Variants in PARD3B observed in about 807,000 individuals in gnomAD.
The protein encoded by PARD3B is partitioning defective 3 homolog B.
In PARD3B, 103 loss-of-function variants were observed where a neutral mutation model predicts 130.2. The ratio of observed to expected loss-of-function variants is 0.79; its 90% CI spans 0.67 to 0.93. PARD3B has a LOEUF of 0.93. PARD3B is among the 40% of genes least tolerant of loss of function. The pLI is 0.00. For missense variants in PARD3B, 1,609 were observed against 1,499.2 expected, an observed-to-expected ratio of 1.07 and a Z score of -1.21; for synonymous variants, 583 against 553.2, an observed-to-expected ratio of 1.05 and a Z score of -0.76.
At chr2:205,226,330 A>G (rs563318908) in intron 15 of PARD3B, among the ~76,000 whole-genome samples, 26 of 152,260 alleles carry the variant, frequency 1.7e-4, no homozygotes, top group South Asian at 1.7e-3. Context: ...ATGAGCCACC[A>G]CGCCCGGCCA....
At chr2:204,856,660 T>C (rs1411497061) in intron 2 of PARD3B, among the ~76,000 whole-genome samples, 1 of 152,200 alleles carries the variant, frequency 6.6e-6, no homozygotes, top group Non-Finnish European at 1.5e-5. Flanking sequence ...CTTCTACTTA[T>C]AGTTTCAAGT....
chr2:204,985,499 G>A (rs975905490), intron 3 of PARD3B, among the ~76,000 whole-genome samples: 15 of 152,186 alleles, frequency 9.9e-5, no homozygotes, highest in Non-Finnish European at 2.9e-5. Context: ...GAAAAACAAA[G>A]AGGAGAAAAT....
At chr2:205,411,550 T>C (rs1452792550) in intron 19 of PARD3B, among the ~76,000 whole-genome samples, 3 of 152,152 alleles carry the variant, frequency 2.0e-5, no homozygotes, top group Admixed American at 6.5e-5. Flanking sequence ...ACTGGTTCAG[T>C]CTAGGTGCTG....
In PARD3B at chr2:204,893,727, A is replaced by G. The variant is rs535302124; in HGVS notation, c.223-71425A>G. Among the ~76,000 whole-genome samples the G allele has an allele frequency of 1.1e-4, 16 of 152,286 alleles. No homozygotes were observed. In the South Asian group the frequency reaches 3.3e-3, roughly 32 times the overall value. On this transcript the variant is annotated intron_variant, in intron 2 of 22. Coordinates refer to ENST00000406610, the MANE Select transcript of PARD3B (RefSeq NM_001302769.2). ...TTGAAAACCCATGTGTATTTTATGT[A>G]TAGCACATCTCAGTTTGGGGTAGCC...
chr2:205,604,696 T>C (rs1387715929), intron 22 of PARD3B, among the ~76,000 whole-genome samples: 2 of 152,226 alleles, frequency 1.3e-5, no homozygotes, highest in Non-Finnish European at 2.9e-5. Context: ...GGGGTTGATC[T>C]TCTCAGGGAG....
chr2:204,593,069 G>C (rs1314811040), intron 1 of PARD3B, among the ~76,000 whole-genome samples: 1 of 152,080 alleles, frequency 6.6e-6, no homozygotes, highest in Non-Finnish European at 1.5e-5. Context: ...TTATACTTTT[G>C]TTAATTAAGT....
At chr2:205,061,273 G>A (rs1222326475) in intron 4 of PARD3B, among the ~76,000 whole-genome samples, 1 of 152,096 alleles carries the variant, frequency 6.6e-6, no homozygotes, top group Non-Finnish European at 1.5e-5. Flanking sequence ...TTAAGGTTCT[G>A]GCATGGCAGT....
chr2:204,991,923 TG>T (rs1349580867), intron 3 of PARD3B, among the ~76,000 whole-genome samples: 1 of 150,858 alleles, frequency 6.6e-6, no homozygotes, highest in Non-Finnish European at 1.5e-5. Context: ...TTGATGGGGT[TG>T]TTTGTTTTTT....
Position 205,291,719 on chromosome 2 carries a change from T to G in PARD3B, c.2186-8811T>G, listed in dbSNP as rs188791082. ...GAAAAATGACCTAAAGATGGAATTG[T>G]CCATCAAAAAGGAAGCAGAGCTTAA... On this transcript the variant is annotated intron_variant, in intron 16 of 22. Coordinates refer to ENST00000406610, the MANE Select transcript of PARD3B (RefSeq NM_001302769.2). The surrounding 1 kb of genome is among the most constrained non-coding windows in gnomAD (Gnocchi z 4.6). Among the ~76,000 whole-genome samples, 1 of 152,296 alleles carries G rather than the reference T, an allele frequency of 6.6e-6. No individual in the cohort carries two copies. Among genetic ancestry groups the G allele is most frequent in the Admixed American group, 6.5e-5 (1 of 15,300 alleles).
At chr2:205,571,420 TCTTA>T (rs1425962251) in intron 22 of PARD3B, among the ~76,000 whole-genome samples, 4 of 152,222 alleles carry the variant, frequency 2.6e-5, no homozygotes, top group Non-Finnish European at 5.9e-5. Context: ...TGAAAGGCAT[TCTTA>T]CTTAAGAAGT....
At chr2:205,549,024 T>A (rs886522960) in intron 21 of PARD3B, among the ~76,000 whole-genome samples, 7 of 152,116 alleles carry the variant, frequency 4.6e-5, no homozygotes, top group African/African-American at 1.7e-4. Context: ...GAAAAGATGT[T>A]CTACATCACA....
At chr2:205,087,567 A>C (rs112989537) in intron 4 of PARD3B, among the ~76,000 whole-genome samples, 4 of 152,250 alleles carry the variant, frequency 2.6e-5, no homozygotes, top group African/African-American at 9.6e-5. Flanking sequence ...TCTACATTTT[A>C]TAAAACCTGT....
At chr2:205,533,524 A>G (rs998763802) in intron 21 of PARD3B, among the ~76,000 whole-genome samples, 5 of 152,182 alleles carry the variant, frequency 3.3e-5, no homozygotes, top group African/African-American at 4.8e-5. Flanking sequence ...GAGGCAAAGT[A>G]TATTTTTTCA....
At chr2:205,382,474 A>T (rs569476457) in intron 18 of PARD3B, among the ~76,000 whole-genome samples, 229 of 152,214 alleles carry the variant, frequency 1.5e-3, no homozygotes, top group Non-Finnish European at 2.4e-3. Context: ...TTCACTATGA[A>T]GTTACGATTT....
intron 2 of PARD3B, among the ~76,000 whole-genome samples, chr2:204,957,493 A>C (rs1357277644): frequency 6.6e-6 from 1 of 152,056 alleles, no homozygotes; most frequent in Non-Finnish European, 1.5e-5. Flanking sequence ...GGTTTATCTC[A>C]TTTACTGACT....
rs112399087 is a variant in PARD3B at position 205,499,258 on chromosome 2, A to C, written c.3045-638A>C. ...ATTCATAAGAGGAAATACTGGCTAA[A>C]GTACAGAGAGAAGAACTTGGATTAG... On this transcript the variant is annotated intron_variant, in intron 20 of 22. Coordinates refer to ENST00000406610, the MANE Select transcript of PARD3B (RefSeq NM_001302769.2). Among the ~76,000 whole-genome samples, 1,447 of 152,238 alleles carry C rather than the reference A, an allele frequency of 9.5e-3. 16 individuals carry two copies. Among genetic ancestry groups the C allele is most frequent in the Non-Finnish European group, 0.014 (977 of 68,014 alleles).
At chr2:204,941,689 A>G (rs2125803189) in intron 2 of PARD3B, among the ~76,000 whole-genome samples, 1 of 152,316 alleles carries the variant, frequency 6.6e-6, no homozygotes, top group East Asian at 1.9e-4. Flanking sequence ...TTTTCCAGAC[A>G]GATATATTCT....
At chr2:205,448,862 A>G (rs1008353355) in intron 20 of PARD3B, among the ~76,000 whole-genome samples, 1 of 152,066 alleles carries the variant, frequency 6.6e-6, no homozygotes, top group Non-Finnish European at 1.5e-5. Context: ...CACTCTGGTA[A>G]CCCTAACAAG....
chr2:204,738,597 A>G (rs560033965), intron 2 of PARD3B, among the ~76,000 whole-genome samples: 18 of 152,260 alleles, frequency 1.2e-4, no homozygotes, highest in Admixed American at 3.3e-4. Context: ...GGGTCTCACA[A>G]GGCCAAAATC....
Sources: allele counts gnomAD v4.1 joint callset (sites outside exome capture counted in the v4.1 genomes callset), GRCh38; gene constraint gnomAD v4.1.1; non-coding constraint Gnocchi (gnomAD v3.1); transcripts MANE v1.5; gene names NCBI Gene and HGNC (gene_info 2026-07-23, HGNC 2026-07-21).